The following SLC26A3 variants were observed in gnomAD, a reference collection of about 807,000 sequenced individuals.
SLC26A3 encodes the protein chloride anion exchanger.
Under a neutral mutation model 85.6 loss-of-function variants are expected in SLC26A3, and 64 were observed. The ratio of observed to expected loss-of-function variants is 0.75; its 90% confidence interval spans 0.61 to 0.92. SLC26A3 has a LOEUF of 0.92. SLC26A3 is among the 40% of genes least tolerant of loss of function. SLC26A3 has a pLI of 0.00. For missense variants in SLC26A3, 922 were observed against 927.3 expected (o/e 0.99, Z 0.07); for synonymous variants, 349 against 336.0 (o/e 1.04, Z -0.42).
chr7:107,777,930 T>G (rs1311925013), intron 13 of SLC26A3, among the ~76,000 whole-genome samples: 1 of 152,222 alleles, frequency 6.6e-6, no homozygotes, highest in Non-Finnish European at 1.5e-5. Context: ...TTATTTGAAC[T>G]GGAGTCAAAG....
At chr7:107,800,696 G>A (rs1464216705) in intron 1 of SLC26A3, among the ~76,000 whole-genome samples, 1 of 151,206 alleles carries the variant, frequency 6.6e-6, no homozygotes, top group African/African-American at 2.4e-5. Flanking sequence ...ATGAGCAAAA[G>A]ATATATAAAT....
chr7:107,783,136 A>C, intron 9 of SLC26A3, 43 bp from the exon 10 acceptor site: 2 of 1,610,688 alleles, frequency 1.2e-6, no homozygotes, highest in Non-Finnish European at 8.5e-7. Flanking sequence ...AAGTGGCACC[A>C]TTGATATTAT....
At chr7:107,773,403 G>T (rs1794057523) in intron 17 of SLC26A3, among the ~76,000 whole-genome samples, 1 of 152,160 alleles carries the variant, frequency 6.6e-6, no homozygotes, top group African/African-American at 2.4e-5. Context: ...CTGTAGATTT[G>T]ATTCCCTTCA....
intron 8 of SLC26A3, among the ~76,000 whole-genome samples, chr7:107,783,788 C>G (rs754996118): frequency 4.6e-5 from 7 of 152,174 alleles, no homozygotes; most frequent in Admixed American, 1.3e-4. Flanking sequence ...AGTCTTCTTT[C>G]CATTGATAAT....
chr7:107,781,025 C>CT (rs1004424336), intron 11 of SLC26A3, among the ~76,000 whole-genome samples: 4 of 151,574 alleles, frequency 2.6e-5, no homozygotes, highest in East Asian at 1.9e-4. Flanking sequence ...TGCGAAGAGA[C>CT]TTTTTTTTTC....
At chr7:107,770,141 TTTC>T (rs1277887997) in intron 18 of SLC26A3, among the ~76,000 whole-genome samples, 1 of 110,262 alleles carries the variant, frequency 9.1e-6, no homozygotes, top group African/African-American at 3.2e-5. Flanking sequence ...TCTTTCTCTC[TTTC>T]TTTTCTTTCT....
intron 8 of SLC26A3, among the ~76,000 whole-genome samples, chr7:107,783,672 T>C (rs146833268): frequency 0.013 from 2,007 of 152,336 alleles, 37 homozygotes; most frequent in African/African-American, 0.047. Flanking sequence ...CTATTCCACT[T>C]GTATTGTTAC....
chr7:107,778,854 G>C (rs1794173222), intron 12 of SLC26A3, among the ~76,000 whole-genome samples: 1 of 152,068 alleles, frequency 6.6e-6, no homozygotes, highest in South Asian at 2.1e-4. Flanking sequence ...AGCTGAGGAT[G>C]GTGGTGTGCA....
chr7:107,783,171 GC>G lies in SLC26A3; in HGVS notation c.1119+33del, dbSNP rs748556514. ...TGTGTGCAAAATATTATTTAAAGTT[GC>G]CCAGTGAGACCCAGTGTAGTTTGTT... On this transcript the variant is annotated intron_variant, in intron 9 of 20. Coordinates refer to ENST00000340010, the MANE Select transcript of SLC26A3 (RefSeq NM_000111.3). 3.1e-6 allele frequency: 5 copies of G among 1,613,954 alleles called. No individual in the cohort carries two copies. The East Asian group carries it at 8.9e-5, about 29-fold the overall frequency.
rs139350060 is a variant in SLC26A3 at position 107,782,884 on chromosome 7, T to TA, written c.1234-11dup. 6.5e-3 allele frequency: 10,440 copies of TA among 1,614,018 alleles called. 199 individuals carry two copies. Among genetic ancestry groups the TA allele is most frequent in the African/African-American group, 0.058 (4,316 of 74,996 alleles). On this transcript the variant is annotated splice_polypyrimidine_tract_variant and intron_variant, in intron 10 of 20. Transcript: ENST00000340010. ...CAATAAGCCCAGCAATCTGTGAGGATAAAAAAATTATCATCACCAACTCAA... is the reference window on the plus strand; with the variant it reads ...CAATAAGCCCAGCAATCTGTGAGGATAAAAAAAATTATCATCACCAACTCAA...
intron 12 of SLC26A3, 78 bp from the exon 13 acceptor site, chr7:107,778,359 ACT>A: frequency 2.2e-6 from 1 of 453,064 alleles, no homozygotes; most frequent in African/African-American, 6.5e-5. Flanking sequence ...TTTTAAAAAG[ACT>A]TTTTTTTTTT....
chr7:107,777,585 T>C (rs1016134214), intron 13 of SLC26A3, among the ~76,000 whole-genome samples: 1 of 152,262 alleles, frequency 6.6e-6, no homozygotes, highest in African/African-American at 2.4e-5. Flanking sequence ...AGCGAAACTC[T>C]GTCTCAAAAG....
At chr7:107,780,523 C>A (rs942101144) in intron 11 of SLC26A3, among the ~76,000 whole-genome samples, 1 of 152,068 alleles carries the variant, frequency 6.6e-6, no homozygotes, top group Admixed American at 6.6e-5. Context: ...AGGAACATGC[C>A]CCTCACCGTC....
intron 18 of SLC26A3, 37 bp downstream of exon 18, chr7:107,772,017 G>C: frequency 7.0e-7 from 1 of 1,436,388 alleles, no homozygotes; most frequent in Non-Finnish European, 9.8e-7. Flanking sequence ...AGCCTGAAGT[G>C]ATTGTCAGAA....
At chr7:107,781,989 C>T (rs1163491415) in intron 11 of SLC26A3, among the ~76,000 whole-genome samples, 4 of 152,124 alleles carry the variant, frequency 2.6e-5, no homozygotes, top group African/African-American at 7.2e-5. Context: ...TTTATAGTCA[C>T]TCTGTGTAGT....
At chr7:107,799,655 A>G (rs566502774) in intron 1 of SLC26A3, among the ~76,000 whole-genome samples, 67 of 152,236 alleles carry the variant, frequency 4.4e-4, no homozygotes, top group African/African-American at 1.6e-3. Flanking sequence ...GCCTCCCAAA[A>G]TGCTGGGATT....
At chr7:107,783,482 A>G in intron 8 of SLC26A3, 130 bp from the exon 9 acceptor site, 1 of 1,082,682 alleles carries the variant, frequency 9.2e-7, no homozygotes, top group Non-Finnish European at 1.4e-6. Context: ...ATTAACGAGA[A>G]TTTAGCTCCA....
At position 107,774,053 on chromosome 7, in the gene SLC26A3, A is replaced by T. The variant is rs777220083; in HGVS notation, c.1874T>A (p.Leu625Gln). Residue 625 changes from leucine to glutamine, a missense_variant, in exon 17 of 21, where the codon CTG becomes CAG. By Grantham distance (113) the Leu-to-Gln change is moderately radical. Transcript: ENST00000340010. Reference sequence around the variant, plus strand: ...ATCATTCCAGTCAATGTGGAAAGGCAGGTCTGTGGTATTGATTGGCTGGTC... The same window carrying T: ...ATCATTCCAGTCAATGTGGAAAGGCTGGTCTGTGGTATTGATTGGCTGGTC... ...VLDQPINTTDLPFHIDWNDDL... is the reference protein window; with the variant it reads ...VLDQPINTTDQPFHIDWNDDL... 1.9e-6 allele frequency: 3 copies of T among 1,614,112 alleles called. No individual in the cohort carries two copies. The South Asian group carries it at 3.3e-5, about 18-fold the overall frequency.
intron 1 of SLC26A3, among the ~76,000 whole-genome samples, chr7:107,796,513 C>G (rs1200335001): frequency 2.0e-5 from 3 of 152,170 alleles, no homozygotes; most frequent in Non-Finnish European, 4.4e-5. Flanking sequence ...TCCACCCACA[C>G]TTCAGGGGTC....
Sources: allele counts gnomAD v4.1 joint callset (sites outside exome capture counted in the v4.1 genomes callset), GRCh38; gene constraint gnomAD v4.1.1; transcripts MANE v1.5; gene names NCBI Gene and HGNC (gene_info 2026-07-23, HGNC 2026-07-21).